Variants in DSCAM observed in about 807,000 individuals in gnomAD.
The protein encoded by DSCAM is DS cell adhesion molecule, also known as cell adhesion molecule DSCAM.
Under a neutral mutation model 217.7 loss-of-function variants are expected in DSCAM, and 47 were observed. That is an observed-to-expected ratio of 0.22 (90% CI 0.17 to 0.28). The LOEUF is 0.28. DSCAM is among the 10% of genes least tolerant of loss of function. The probability of loss-of-function intolerance (pLI) is 1.00; values close to 1 mark genes in which losing one functional copy is unlikely to be tolerated. For synonymous variants in DSCAM, 1,056 were observed against 1,015.3 expected (o/e 1.04, Z -0.76); for missense variants, 2,080 against 2,618.3 (o/e 0.79, Z 4.49).
Position 40,170,328 on chromosome 21 carries a change from T to C in DSCAM, c.2948-3040A>G, listed in dbSNP as rs572006335. Among the ~76,000 whole-genome samples the C allele has an allele frequency of 4.3e-4, 66 of 152,338 alleles. 3 individuals are homozygous for C. The South Asian group carries it at 0.013, about 30-fold the overall frequency. ...CTCTGGTCACCCAGCAGACTCTACATGGCACCAGGAACTAAGCCCAGAGTG... is the reference window on the plus strand; with the variant it reads ...CTCTGGTCACCCAGCAGACTCTACACGGCACCAGGAACTAAGCCCAGAGTG... On this transcript the variant is annotated intron_variant, in intron 15 of 32. Transcript: ENST00000400454.
At chr21:40,258,315 C>G (rs1157691298) in intron 11 of DSCAM, among the ~76,000 whole-genome samples, 2 of 152,186 alleles carry the variant, frequency 1.3e-5, no homozygotes, top group Non-Finnish European at 2.9e-5. Context: ...CTACTACTTC[C>G]AAGGCCTAGA....
Position 40,763,122 on chromosome 21 carries a change from G to A in DSCAM, c.44-54351C>T, listed in dbSNP as rs559688411. Reference sequence around the variant, plus strand: ...ATCAAGCAAGAGAAATAAATAAAGGGCATTCAAATAGGAAGAGAGGAAGTC... The same window carrying A: ...ATCAAGCAAGAGAAATAAATAAAGGACATTCAAATAGGAAGAGAGGAAGTC... On this transcript the variant is annotated intron_variant, in intron 1 of 32. Transcript: ENST00000400454. Among the ~76,000 whole-genome samples, 14 of 152,218 alleles carry A rather than the reference G, an allele frequency of 9.2e-5. No homozygotes were observed. In the South Asian group the frequency reaches 2.7e-3, roughly 29 times the overall value.
At chr21:40,504,046 G>A (rs997062054) in intron 3 of DSCAM, among the ~76,000 whole-genome samples, 2 of 152,136 alleles carry the variant, frequency 1.3e-5, no homozygotes, top group South Asian at 2.1e-4. Context: ...GCTCATAAAC[G>A]TTTCTGGTAG....
chr21:40,415,304 C>A (rs182237408), intron 3 of DSCAM, among the ~76,000 whole-genome samples: 2 of 152,132 alleles, frequency 1.3e-5, no homozygotes, highest in East Asian at 3.8e-4. Context: ...TGCAACATGG[C>A]GGAATATAAA....
chr21:40,019,916 C>A (rs1379497369), intron 32 of DSCAM, among the ~76,000 whole-genome samples: 2 of 152,128 alleles, frequency 1.3e-5, no homozygotes, highest in African/African-American at 4.8e-5. Flanking sequence ...CTCCACATTT[C>A]CCCCCTTCCC....
At chr21:40,206,929 T>C (rs1278473169) in intron 11 of DSCAM, among the ~76,000 whole-genome samples, 1 of 152,054 alleles carries the variant, frequency 6.6e-6, no homozygotes, top group African/African-American at 2.4e-5. Context: ...ACAAAAACAA[T>C]TTAAAGAAAA....
intron 3 of DSCAM, among the ~76,000 whole-genome samples, chr21:40,599,155 T>G (rs1273614749): frequency 6.6e-6 from 1 of 152,214 alleles, no homozygotes; most frequent in East Asian, 1.9e-4. Context: ...GGCTTGTCTT[T>G]TAACGTTCTC....
intron 3 of DSCAM, among the ~76,000 whole-genome samples, chr21:40,614,190 G>C (rs2089355474): frequency 6.6e-6 from 1 of 152,212 alleles, no homozygotes; most frequent in African/African-American, 2.4e-5. Flanking sequence ...GTCAGATGCA[G>C]TCATGGAAGT....
At chr21:40,146,266 G>A (rs117157355) in intron 16 of DSCAM, among the ~76,000 whole-genome samples, 29 of 151,890 alleles carry the variant, frequency 1.9e-4, no homozygotes, top group African/African-American at 6.5e-4. Flanking sequence ...CTTGACGGAG[G>A]GGGGGAGGTG....
intron 1 of DSCAM, among the ~76,000 whole-genome samples, chr21:40,845,657 T>C (rs563645058): frequency 6.6e-6 from 1 of 152,178 alleles, no homozygotes; most frequent in African/African-American, 2.4e-5. Context: ...TGCTTAATGG[T>C]TTAATTTCAA....
intron 3 of DSCAM, among the ~76,000 whole-genome samples, chr21:40,405,025 T>C (rs781251470): frequency 6.6e-6 from 1 of 152,222 alleles, no homozygotes; most frequent in Non-Finnish European, 1.5e-5. Flanking sequence ...TGAGCTATTT[T>C]GGTTTTTCAA....
At chr21:40,420,592 T>C (rs989156688) in intron 3 of DSCAM, among the ~76,000 whole-genome samples, 2 of 152,206 alleles carry the variant, frequency 1.3e-5, no homozygotes, top group Non-Finnish European at 2.9e-5. Flanking sequence ...GTTCATGTCC[T>C]ACCACCAGTA....
intron 3 of DSCAM, among the ~76,000 whole-genome samples, chr21:40,479,889 T>C (rs1452150404): frequency 1.3e-5 from 2 of 152,226 alleles, no homozygotes; most frequent in African/African-American, 4.8e-5. Flanking sequence ...TTCAGACATA[T>C]GTGTGTGTAC....
intron 9 of DSCAM, among the ~76,000 whole-genome samples, chr21:40,307,411 A>G (rs979700613): frequency 1.3e-5 from 2 of 152,236 alleles, no homozygotes; most frequent in African/African-American, 4.8e-5. Flanking sequence ...TAGAATGGCA[A>G]TCGTTAAAAA....
At chr21:40,155,099 C>G (rs530243696) in intron 16 of DSCAM, among the ~76,000 whole-genome samples, 1 of 152,356 alleles carries the variant, frequency 6.6e-6, no homozygotes, top group African/African-American at 2.4e-5. Flanking sequence ...CATAGCTCCT[C>G]TTTTTGGGAC....
intron 4 of DSCAM, among the ~76,000 whole-genome samples, chr21:40,356,942 A>G (rs1202400202): frequency 6.6e-6 from 1 of 152,184 alleles, no homozygotes; most frequent in East Asian, 1.9e-4. Flanking sequence ...TTCTTTTGTG[A>G]TCATCAGAGA....
chr21:40,152,177 C>T (rs905948321), intron 16 of DSCAM, among the ~76,000 whole-genome samples: 3 of 151,004 alleles, frequency 2.0e-5, no homozygotes, highest in African/African-American at 7.3e-5. Context: ...TATTTAAGAA[C>T]TCAATAAAAC....
intron 3 of DSCAM, among the ~76,000 whole-genome samples, chr21:40,674,920 G>T (rs949479433): frequency 1.3e-5 from 2 of 152,042 alleles, no homozygotes; most frequent in Non-Finnish European, 2.9e-5. Context: ...ACCGCGCCCG[G>T]CCCATAAAGG....
chr21:40,377,806 G>A (rs1289134340), intron 3 of DSCAM, among the ~76,000 whole-genome samples: 2 of 152,106 alleles, frequency 1.3e-5, no homozygotes, highest in African/African-American at 4.8e-5. Context: ...AGAAAGCCAG[G>A]GGAGGAGAGG....
Sources: gnomAD v4.1 joint callset for allele counts (sites outside exome capture counted in the v4.1 genomes callset) on GRCh38, gnomAD v4.1.1 for gene constraint, MANE v1.5 for transcripts, NCBI Gene and HGNC (gene_info 2026-07-23, HGNC 2026-07-21) for gene names.